The following C7 variants were observed in gnomAD, a reference collection of about 807,000 sequenced individuals.
C7 encodes complement component C7.
C7 carries 83 observed loss-of-function variants against 104.8 expected under a neutral mutation model. The ratio of observed to expected loss-of-function variants is 0.79; its 90% CI spans 0.66 to 0.95. The LOEUF (loss-of-function observed/expected upper bound fraction) is 0.95. C7 is among the 40% of genes least tolerant of loss of function. The pLI is 0.00. For synonymous variants in C7, 415 were observed against 360.6 expected (o/e 1.15, Z -1.71); for missense variants, 1,070 against 1,011.2 (o/e 1.06, Z -0.79).
chr5:40,972,319 G>A (rs1005866441), intron 14 of C7, 84 bp from the exon 15 acceptor site: 2 of 1,081,874 alleles, frequency 1.8e-6, no homozygotes, highest in Non-Finnish European at 1.4e-6. Flanking sequence ...AGCAGAACAA[G>A]TGTGTCTGCA....
chr5:40,923,351 T>C (rs1182458357), intron 1 of C7, among the ~76,000 whole-genome samples: 2 of 152,172 alleles, frequency 1.3e-5, no homozygotes, highest in Non-Finnish European at 2.9e-5. Context: ...AAACATGGCA[T>C]CAACATCAGC....
At chr5:40,909,897 T>C (rs915020795) in intron 1 of C7, among the ~76,000 whole-genome samples, 2 of 151,270 alleles carry the variant, frequency 1.3e-5, no homozygotes, top group African/African-American at 4.9e-5. Context: ...AGACAATGTT[T>C]ATGAAAGTCC....
chr5:40,950,055 C>T, intron 9 of C7, 41 bp downstream of exon 9: 8 of 1,018,082 alleles, frequency 7.9e-6, no homozygotes, highest in African/African-American at 1.7e-5. Flanking sequence ...AGCTTAACTT[C>T]TTTTTTTTTT....
intron 9 of C7, chr5:40,954,877 CAAAA>C (rs35360366): frequency 0.012 from 649 of 54,424 alleles, 2 homozygotes; most frequent in African/African-American, 0.037. Context: ...AATACTGTCT[CAAAA>C]AAAAAAAAAA....
At chr5:40,925,882 G>A (rs1335063823) in intron 1 of C7, among the ~76,000 whole-genome samples, 1 of 152,164 alleles carries the variant, frequency 6.6e-6, no homozygotes, top group Non-Finnish European at 1.5e-5. Context: ...AAATTGAAAA[G>A]GAGGGAATAC....
intron 14 of C7, among the ~76,000 whole-genome samples, chr5:40,966,524 G>A (rs1325412820): frequency 6.6e-6 from 1 of 151,950 alleles, no homozygotes; most frequent in Non-Finnish European, 1.5e-5. Flanking sequence ...GACTACAGGT[G>A]CACACCACCA....
Position 40,947,681 on chromosome 5 carries a change from C to A in C7, c.818C>A (p.Ala273Asp). 6.2e-7 allele frequency: 1 copy of A among 1,613,710 alleles called. No homozygotes were observed. Reference protein sequence around the residue: ...INNNPEFLQLAEPFWKELSHL... With the variant: ...INNNPEFLQLDEPFWKELSHL... ...AACAATCCAGAATTTTTACAACTTG[C>A]TGAGCCATTCTGGAAGGAGCTTTCC... Residue 273 changes from alanine (A) to aspartate (D), a missense_variant, in exon 8 of 18, where the codon GCT (alanine) becomes GAT (aspartate). Coordinates refer to ENST00000313164, the MANE Select transcript of C7 (RefSeq NM_000587.4).
intron 1 of C7, among the ~76,000 whole-genome samples, chr5:40,927,075 G>C (rs1443724542): frequency 2.6e-5 from 4 of 151,428 alleles, no homozygotes; most frequent in African/African-American, 4.9e-5. Flanking sequence ...ACAGAATAGA[G>C]AGCCCAGAAA....
At chr5:40,931,192 C>A in intron 3 of C7, 53 bp downstream of exon 3, 1 of 1,342,898 alleles carries the variant, frequency 7.4e-7, no homozygotes, top group Non-Finnish European at 1.1e-6. Flanking sequence ...AATACTTTGG[C>A]ATGGCCAAAA....
At chr5:40,939,141 C>T (rs974029069) in intron 6 of C7, among the ~76,000 whole-genome samples, 1 of 152,154 alleles carries the variant, frequency 6.6e-6, no homozygotes, top group Non-Finnish European at 1.5e-5. Context: ...CTTTTGCTTA[C>T]CCAAATTAAC....
Position 40,959,532 on chromosome 5 carries a change from A to C in C7, c.1573A>C (p.Asn525His), listed in dbSNP as rs201666082. Reference sequence around the variant, plus strand: ...GAAAACAAGAAGCCGTGAATGCAATAACCCACCTCCCAGTGGGGGTGGGAG... The same window carrying C: ...GAAAACAAGAAGCCGTGAATGCAATCACCCACCTCCCAGTGGGGGTGGGAG... Reference protein sequence around the residue: ...GKKTRSRECNNPPPSGGGRSC... With the variant: ...GKKTRSRECNHPPPSGGGRSC... The change falls in exon 12 of 18, where the codon AAC (asparagine) becomes CAC (histidine). Residue 525 changes from asparagine to histidine, a missense_variant. Coordinates refer to ENST00000313164, the MANE Select transcript of C7 (RefSeq NM_000587.4). The C allele has an allele frequency of 6.2e-7, 1 of 1,611,638 alleles. No homozygotes were observed. Among genetic ancestry groups the C allele is most frequent in the Non-Finnish European group, 8.5e-7 (1 of 1,179,256 alleles).
intron 1 of C7, among the ~76,000 whole-genome samples, chr5:40,916,285 A>T (rs534851049): frequency 6.6e-6 from 1 of 152,194 alleles, no homozygotes; most frequent in South Asian, 2.1e-4. Flanking sequence ...CTCTGTATTT[A>T]TTTAGGCTTG....
At chr5:40,927,591 G>A (rs1055547048) in intron 1 of C7, among the ~76,000 whole-genome samples, 6 of 151,946 alleles carry the variant, frequency 3.9e-5, no homozygotes, top group Non-Finnish European at 8.8e-5. Context: ...TACCAGGAAA[G>A]GGAGTTGGAA....
chr5:40,974,113 G>T (rs964950554), intron 15 of C7, among the ~76,000 whole-genome samples: 4 of 151,610 alleles, frequency 2.6e-5, no homozygotes, highest in African/African-American at 9.7e-5. Flanking sequence ...TGTATGTTCA[G>T]TGGCATTAAG....
In C7 at chr5:40,955,542, A is replaced by C. The variant is rs775657840; in HGVS notation, c.1249A>C (p.Ile417Leu). The change falls in exon 10 of 18, where the codon ATA becomes CTA. Residue 417 changes from isoleucine (I) to leucine (L), a missense_variant. Ile to Leu is a conservative substitution (Grantham distance 5). Transcript: ENST00000313164. Reference protein sequence around the residue: ...AESVTNLPQVIKQKLTPLYEL... With the variant: ...AESVTNLPQVLKQKLTPLYEL... ...ATCTGTGACTAATCTTCCTCAAGTC[A>C]TAAAACAAAAGGTATGTCAGGCTTT... is the stretch of plus-strand genomic sequence containing the variant. 1.2e-6 allele frequency: 2 copies of C among 1,611,904 alleles called. No individual in the cohort carries two copies. Among genetic ancestry groups the C allele is most frequent in the South Asian group, 1.1e-5 (1 of 90,556 alleles).
chr5:40,955,389 A>G lies in C7; in HGVS notation c.1096A>G (p.Thr366Ala). The G allele has an allele frequency of 6.2e-7, 1 of 1,603,740 alleles. No homozygotes were observed. The highest frequency in any genetic ancestry group is 8.5e-7 in the Non-Finnish European group (1 of 1,176,388). Residue 366 changes from threonine to alanine, a missense_variant and splice_region_variant, in exon 10 of 18, where the codon ACC (threonine) becomes GCC (alanine). Coordinates refer to ENST00000313164, the MANE Select transcript of C7 (RefSeq NM_000587.4). ...LENALKAASG[T>A]QNNVLRGEPF... Reference sequence around the variant, plus strand: ...TTCATTTGCTTTCTTCTGTATAGGAACCCAGAACAATGTATTGCGAGGAGA... The same window carrying G: ...TTCATTTGCTTTCTTCTGTATAGGAGCCCAGAACAATGTATTGCGAGGAGA...
intron 10 of C7, among the ~76,000 whole-genome samples, chr5:40,956,931 A>G (rs1276712760): frequency 6.6e-6 from 1 of 152,236 alleles, no homozygotes; most frequent in East Asian, 1.9e-4. Flanking sequence ...AGAAAGACAC[A>G]TGTTCTTTAA....
intron 13 of C7, among the ~76,000 whole-genome samples, chr5:40,964,035 T>G (rs963721165): frequency 2.3e-5 from 3 of 129,186 alleles, no homozygotes; most frequent in Admixed American, 7.8e-5. Context: ...TTTTTTTTTT[T>G]TTTTTTTTTT....
Position 40,931,102 on chromosome 5 carries a change from C to T in C7, c.101C>T (p.Ala34Val). ...GTCAACTGCCAGTGGGACTTCTATG[C>T]CCCTTGGTCAGAATGCAATGGCTGT... ...SPVNCQWDFY[A>V]PWSECNGCTK... Residue 34 changes from alanine to valine, a missense_variant, in exon 3 of 18, where the codon GCC becomes GTC. By Grantham distance (64) the Ala-to-Val change is moderately conservative (BLOSUM62 0). Coordinates refer to ENST00000313164, the MANE Select transcript of C7 (RefSeq NM_000587.4). 1.9e-6 allele frequency: 3 copies of T among 1,613,498 alleles called. No homozygotes were observed. The highest frequency in any genetic ancestry group is 2.5e-6 in the Non-Finnish European group (3 of 1,179,514).
Sources: gnomAD v4.1 joint callset for allele counts (sites outside exome capture counted in the v4.1 genomes callset) on GRCh38, gnomAD v4.1.1 for gene constraint, MANE v1.5 for transcripts, NCBI Gene and HGNC (gene_info 2026-07-23, HGNC 2026-07-21) for gene names.